The following KCNK13 variants were observed in gnomAD, a reference collection of about 807,000 sequenced individuals.
KCNK13 encodes the protein potassium two pore domain channel subfamily K member 13.
A neutral mutation model predicts 23.4 loss-of-function variants in KCNK13; 12 were observed. That is an observed-to-expected ratio of 0.51 (90% CI 0.33 to 0.83). The LOEUF is 0.83. KCNK13 is among the 40% of genes least tolerant of loss of function. The pLI is 0.02. For missense variants in KCNK13, 463 were observed against 556.3 expected, an observed-to-expected ratio of 0.83 and a Z score of 1.69; for synonymous variants, 231 against 229.5, an observed-to-expected ratio of 1.01 and a Z score of -0.06.
At position 90,156,362 on chromosome 14, in the gene KCNK13, G is replaced by A. The variant is rs373456304; in HGVS notation, c.335-27749G>A. 1.4e-4 allele frequency among the ~76,000 whole-genome samples: 21 copies of A among 152,286 alleles called. No homozygotes were observed. The East Asian group carries it at 3.3e-3, about 24-fold the overall frequency. ...ACTTAAAAGACAGAAATATGAAGAA[G>A]AGCTAGCAAAGGAGACTGAGAACGA... On this transcript the variant is annotated intron_variant, in intron 1 of 1. Transcript: ENST00000282146.
intron 1 of KCNK13, among the ~76,000 whole-genome samples, chr14:90,119,848 C>G (rs1340813382): frequency 6.6e-6 from 1 of 152,140 alleles, no homozygotes; most frequent in Non-Finnish European, 1.5e-5. Flanking sequence ...GATCCGCCCA[C>G]CTTGGCATCG....
chr14:90,115,603 G>C (rs1011283906), intron 1 of KCNK13, among the ~76,000 whole-genome samples: 6 of 152,178 alleles, frequency 3.9e-5, no homozygotes, highest in African/African-American at 1.4e-4. Context: ...TATGGTCTCT[G>C]TTGCAACTGC....
chr14:90,132,800 A>G (rs1296027153), intron 1 of KCNK13, among the ~76,000 whole-genome samples: 1 of 152,182 alleles, frequency 6.6e-6, no homozygotes, highest in Non-Finnish European at 1.5e-5. Context: ...AATAGTAACT[A>G]TCGCCATTTG....
chr14:90,099,663 G>A (rs1181216375), intron 1 of KCNK13, among the ~76,000 whole-genome samples: 1 of 152,164 alleles, frequency 6.6e-6, no homozygotes, highest in Non-Finnish European at 1.5e-5. Context: ...CATTGCAATT[G>A]CACAGCTAAG....
chr14:90,151,001 G>T (rs190526514), intron 1 of KCNK13, among the ~76,000 whole-genome samples: 1 of 151,972 alleles, frequency 6.6e-6, no homozygotes, highest in Non-Finnish European at 1.5e-5. Context: ...AAAGTGTGTG[G>T]CACCTCCTCC....
chr14:90,134,188 C>G (rs767595560), intron 1 of KCNK13, among the ~76,000 whole-genome samples: 32 of 124,154 alleles, frequency 2.6e-4, no homozygotes, highest in Non-Finnish European at 5.0e-4. Flanking sequence ...TGCACTCCAG[C>G]CTGAGCAACA....
At chr14:90,089,191 T>C (rs887544500) in intron 1 of KCNK13, among the ~76,000 whole-genome samples, 1 of 152,192 alleles carries the variant, frequency 6.6e-6, no homozygotes, top group African/African-American at 2.4e-5. Flanking sequence ...TGGGAAAGTT[T>C]GGAACTTCCT....
chr14:90,074,012 A>T (rs1353942046), intron 1 of KCNK13, among the ~76,000 whole-genome samples: 2 of 151,948 alleles, frequency 1.3e-5, no homozygotes, highest in African/African-American at 4.8e-5. Context: ...GACGGAGCCC[A>T]GGCTGGAGTG....
At chr14:90,165,423 G>T (rs1029691346) in intron 1 of KCNK13, among the ~76,000 whole-genome samples, 1 of 152,152 alleles carries the variant, frequency 6.6e-6, no homozygotes, top group South Asian at 2.1e-4. Flanking sequence ...AATTCAAAAA[G>T]GCAGGCAGAT....
intron 1 of KCNK13, among the ~76,000 whole-genome samples, chr14:90,168,294 C>T (rs1890326924): frequency 2.0e-5 from 3 of 151,902 alleles, no homozygotes; most frequent in African/African-American, 7.3e-5. Flanking sequence ...TTGCTTGTGC[C>T]CAGGAGGTTG....
At chr14:90,100,280 A>G (rs17188431) in intron 1 of KCNK13, among the ~76,000 whole-genome samples, 11,287 of 152,252 alleles carry the variant, frequency 0.074, 538 homozygotes, top group South Asian at 0.15. Context: ...AAGAAACTCT[A>G]TAATAGGTGC....
chr14:90,095,596 G>C (rs1889401044), intron 1 of KCNK13, among the ~76,000 whole-genome samples: 1 of 151,940 alleles, frequency 6.6e-6, no homozygotes, highest in Non-Finnish European at 1.5e-5. Flanking sequence ...AACTTGTTCA[G>C]ATGGTCTAAG....
chr14:90,147,857 C>G (rs1890090160), intron 1 of KCNK13, among the ~76,000 whole-genome samples: 1 of 152,118 alleles, frequency 6.6e-6, no homozygotes, highest in Non-Finnish European at 1.5e-5. Context: ...TGTGATGCTG[C>G]TTTTACCACT....
chr14:90,138,162 T>G (rs780355576), intron 1 of KCNK13, among the ~76,000 whole-genome samples: 2 of 152,200 alleles, frequency 1.3e-5, no homozygotes, highest in Non-Finnish European at 2.9e-5. Flanking sequence ...AAAATGTAAA[T>G]AGCTTTATTA....
chr14:90,178,054 C>A (rs893019005), intron 1 of KCNK13, among the ~76,000 whole-genome samples: 1 of 152,012 alleles, frequency 6.6e-6, no homozygotes, highest in African/African-American at 2.4e-5. Context: ...AACATTTTCA[C>A]CAGTCATTGA....
chr14:90,069,877 A>G (rs1347929740), intron 1 of KCNK13, among the ~76,000 whole-genome samples: 2 of 152,222 alleles, frequency 1.3e-5, no homozygotes, highest in Non-Finnish European at 2.9e-5. Flanking sequence ...ATCTTGCTTC[A>G]GACCACACAG....
At chr14:90,134,831 T>G (rs1889916789) in intron 1 of KCNK13, among the ~76,000 whole-genome samples, 2 of 152,200 alleles carry the variant, frequency 1.3e-5, no homozygotes, top group South Asian at 4.1e-4. Flanking sequence ...TGGTGAATAA[T>G]AAATATGAAA....
In KCNK13 at chr14:90,127,514, A is replaced by G. The variant is rs1455150840; in HGVS notation, c.335-56597A>G. ...TCACATACAATTCATTCATCATAGTATATTAAAGGTATTTATGGCCAGACG... is the reference window on the plus strand; with the variant it reads ...TCACATACAATTCATTCATCATAGTGTATTAAAGGTATTTATGGCCAGACG... On this transcript the variant is annotated intron_variant, in intron 1 of 1. Transcript: ENST00000282146. 2.1e-5 allele frequency among the ~76,000 whole-genome samples: 3 copies of G among 144,970 alleles called. No homozygotes were observed. The East Asian group carries it at 6.0e-4, about 29-fold the overall frequency.
intron 1 of KCNK13, among the ~76,000 whole-genome samples, chr14:90,120,867 G>T (rs962728160): frequency 1.3e-5 from 2 of 152,108 alleles, no homozygotes; most frequent in Admixed American, 1.3e-4. Flanking sequence ...AGTTTCATCC[G>T]AGACAAGGCA....
Sources: allele counts gnomAD v4.1 joint callset (sites outside exome capture counted in the v4.1 genomes callset), GRCh38; gene constraint gnomAD v4.1.1; transcripts MANE v1.5; gene names NCBI Gene and HGNC (gene_info 2026-07-23, HGNC 2026-07-21).